The following PTPRT variants were observed in gnomAD, a reference collection of about 807,000 sequenced individuals.
PTPRT encodes the protein protein tyrosine phosphatase receptor type T, also known as receptor-type tyrosine-protein phosphatase T.
A neutral mutation model predicts 176.8 loss-of-function variants in PTPRT; 56 were observed. The observed-to-expected ratio is 0.32, with a 90% confidence interval of 0.26 to 0.40. The LOEUF is 0.40. Ranked by LOEUF, PTPRT falls within the 10% of genes least tolerant of loss-of-function variation. The pLI, the probability that PTPRT is intolerant of heterozygous loss-of-function variation, is 1.00. For missense variants in PTPRT, 1,540 were observed against 1,908.2 expected, an observed-to-expected ratio of 0.81 and a Z score of 3.60; for synonymous variants, 783 against 739.0, an observed-to-expected ratio of 1.06 and a Z score of -0.96.
chr20:42,541,902 G>T (rs2072589672), intron 7 of PTPRT, among the ~76,000 whole-genome samples: 1 of 149,362 alleles, frequency 6.7e-6, no homozygotes, highest in Non-Finnish European at 1.5e-5. Flanking sequence ...ATACGGTTTG[G>T]CTGTGTCCCC....
At chr20:42,428,729 T>G (rs1025992854) in intron 9 of PTPRT, among the ~76,000 whole-genome samples, 1 of 152,056 alleles carries the variant, frequency 6.6e-6, no homozygotes, top group African/African-American at 2.4e-5. Flanking sequence ...ATTGTGGGCA[T>G]GAAACTCAAC....
intron 20 of PTPRT, among the ~76,000 whole-genome samples, chr20:42,118,879 GAC>G (rs1413011170): frequency 4.6e-5 from 7 of 151,956 alleles, no homozygotes; most frequent in Non-Finnish European, 1.0e-4. Context: ...CTCCATGAGA[GAC>G]AGGAAGGCAA....
intron 1 of PTPRT, among the ~76,000 whole-genome samples, chr20:43,087,594 C>T (rs1452422606): frequency 6.6e-6 from 1 of 152,002 alleles, no homozygotes; most frequent in African/African-American, 2.4e-5. Context: ...AAACTCCTGA[C>T]CTCAAGTGAT....
At chr20:42,070,154 G>A (rs539634555), downstream of PTPRT, among the ~76,000 whole-genome samples, 66 of 152,138 alleles carry the variant, frequency 4.3e-4, no homozygotes, top group African/African-American at 1.6e-3. Context: ...AACCCTGTCA[G>A]AGGGAATCAA....
intron 1 of PTPRT, among the ~76,000 whole-genome samples, chr20:43,091,444 T>TTC (rs748355532): frequency 2.0e-4 from 28 of 142,600 alleles, no homozygotes; most frequent in Non-Finnish European, 2.8e-4. Flanking sequence ...CTCTCTGTAT[T>TTC]TCTCTCTCTC....
At chr20:42,726,721 C>T (rs1034197112) in intron 6 of PTPRT, among the ~76,000 whole-genome samples, 31 of 152,314 alleles carry the variant, frequency 2.0e-4, no homozygotes, top group Non-Finnish European at 3.2e-4. Context: ...AGTAGGGCCT[C>T]GGGCTCTTCC....
At chr20:42,800,796 G>A (rs1210111195) in intron 2 of PTPRT, among the ~76,000 whole-genome samples, 1 of 152,154 alleles carries the variant, frequency 6.6e-6, no homozygotes, top group African/African-American at 2.4e-5. Context: ...CTGTTAAAAT[G>A]GTGCCGTCTT....
At chr20:42,297,482 T>C (rs1273182105) in intron 12 of PTPRT, among the ~76,000 whole-genome samples, 1 of 152,180 alleles carries the variant, frequency 6.6e-6, no homozygotes, top group Non-Finnish European at 1.5e-5. Context: ...TGTATAAATT[T>C]AATGCAATCC....
chr20:42,598,902 A>G (rs1569005584), intron 7 of PTPRT, among the ~76,000 whole-genome samples: 1 of 152,218 alleles, frequency 6.6e-6, no homozygotes, highest in Non-Finnish European at 1.5e-5. Context: ...AGGGCCTGCC[A>G]CAGAGTACTT....
intron 22 of PTPRT, among the ~76,000 whole-genome samples, chr20:42,113,541 TG>T (rs1287409389): frequency 6.6e-6 from 1 of 151,582 alleles, no homozygotes; most frequent in Non-Finnish European, 1.5e-5. Context: ...ATCAGCAGAC[TG>T]ACTGACGTGG....
intron 1 of PTPRT, among the ~76,000 whole-genome samples, chr20:43,088,333 G>GGCGTGTGT (rs1478715742): frequency 1.3e-4 from 18 of 142,758 alleles, no homozygotes; most frequent in African/African-American, 3.4e-4. Context: ...TTTGCTTTGG[G>GGCGTGTGT]GTGTGTGTGT....
At chr20:42,478,726 C>T (rs1029682086) in intron 7 of PTPRT, among the ~76,000 whole-genome samples, 6 of 152,026 alleles carry the variant, frequency 3.9e-5, no homozygotes, top group Admixed American at 6.6e-5. Context: ...ATTAATGCCT[C>T]GATGACATTT....
In PTPRT at chr20:42,763,808, C is replaced by T. The variant is rs142188707; in HGVS notation, c.685-7172G>A. Among the ~76,000 whole-genome samples, 1,022 of 152,188 alleles carry T rather than the reference C, an allele frequency of 6.7e-3. 9 individuals carry two copies. Among genetic ancestry groups the T allele is most frequent in the African/African-American group, 0.024 (987 of 41,510 alleles). On this transcript the variant is annotated intron_variant, in intron 5 of 30. Coordinates refer to ENST00000373187, the MANE Select transcript of PTPRT (RefSeq NM_007050.6). Reference sequence around the variant, plus strand: ...CATTTTTGATTAGCTGTGCTGAAACCCTTCCAAGAGCCCTCTATGTACGTG... The same window carrying T: ...CATTTTTGATTAGCTGTGCTGAAACTCTTCCAAGAGCCCTCTATGTACGTG...
intron 2 of PTPRT, among the ~76,000 whole-genome samples, chr20:42,878,639 G>A (rs953534755): frequency 6.6e-6 from 1 of 152,198 alleles, no homozygotes. Context: ...TCGAACTCAT[G>A]GGATGGTGGG....
At chr20:42,264,354 T>C (rs1467576434) in intron 13 of PTPRT, among the ~76,000 whole-genome samples, 5 of 152,194 alleles carry the variant, frequency 3.3e-5, no homozygotes, top group African/African-American at 9.7e-5. Context: ...GATGTACCAA[T>C]AGCCTTGTGT....
intron 7 of PTPRT, among the ~76,000 whole-genome samples, chr20:42,477,491 C>G (rs558810608): frequency 9.2e-5 from 14 of 152,236 alleles, no homozygotes; most frequent in Admixed American, 2.6e-4. Context: ...CAGTCCGACC[C>G]CTCTAAACCT....
At chr20:43,001,122 G>A (rs891533316) in intron 1 of PTPRT, among the ~76,000 whole-genome samples, 5 of 152,234 alleles carry the variant, frequency 3.3e-5, no homozygotes, top group Admixed American at 6.5e-5. Flanking sequence ...GAAGATGATC[G>A]TGAAGACATT....
intron 1 of PTPRT, among the ~76,000 whole-genome samples, chr20:42,949,681 T>G (rs1981111228): frequency 6.6e-6 from 1 of 152,172 alleles, no homozygotes; most frequent in East Asian, 1.9e-4. Context: ...CATGAACACA[T>G]TAAACAGTTG....
chr20:42,870,398 G>A (rs555359217), intron 2 of PTPRT, among the ~76,000 whole-genome samples: 13 of 152,230 alleles, frequency 8.5e-5, no homozygotes, highest in African/African-American at 2.6e-4. Flanking sequence ...TTCTTTATCC[G>A]TCCATCTGTT....
Sources: gnomAD v4.1 joint callset for allele counts (sites outside exome capture counted in the v4.1 genomes callset) on GRCh38, gnomAD v4.1.1 for gene constraint, MANE v1.5 for transcripts, NCBI Gene and HGNC (gene_info 2026-07-23, HGNC 2026-07-21) for gene names.